Variants in BCL2L14 observed in about 807,000 individuals in gnomAD.
BCL2L14 encodes the protein apoptosis facilitator Bcl-2-like protein 14.
A neutral mutation model predicts 35.3 loss-of-function variants in BCL2L14; 27 were observed. The observed-to-expected ratio is 0.76, with a 90% CI of 0.56 to 1.05. BCL2L14 has a LOEUF of 1.05. Ranked by LOEUF, BCL2L14 falls within the 50% of genes least tolerant of loss-of-function variation. BCL2L14 has a pLI of 0.00. For synonymous variants in BCL2L14, 139 were observed against 145.9 expected, an observed-to-expected ratio of 0.95 and a Z score of 0.34; for missense variants, 377 against 382.6, an observed-to-expected ratio of 0.99 and a Z score of 0.12.
At chr12:12,097,495 G>C (rs1485040043) in intron 5 of BCL2L14, among the ~76,000 whole-genome samples, 2 of 152,226 alleles carry the variant, frequency 1.3e-5, no homozygotes, top group East Asian at 3.8e-4. Flanking sequence ...CAAATGTATA[G>C]ATACAGAAAG....
At chr12:12,068,704 G>C (rs534065716), upstream of BCL2L14, among the ~76,000 whole-genome samples, 1 of 151,960 alleles carries the variant, frequency 6.6e-6, no homozygotes, top group African/African-American at 2.4e-5. Flanking sequence ...CTATCACAGC[G>C]TGAATCCCAA....
intron 1 of BCL2L14, among the ~76,000 whole-genome samples, chr12:12,073,719 C>G (rs1305603754): frequency 6.6e-6 from 1 of 152,188 alleles, no homozygotes; most frequent in Non-Finnish European, 1.5e-5. Flanking sequence ...GGGCGCACAG[C>G]CTCCTACCCA....
At chr12:12,070,533 C>T (rs768010203), upstream of BCL2L14, among the ~76,000 whole-genome samples, 1 of 152,150 alleles carries the variant, frequency 6.6e-6, no homozygotes, top group Middle Eastern at 3.4e-3. Context: ...AAAAATTAGC[C>T]AGGCGTGCTG....
At chr12:12,051,227 T>G (rs1948353966) in intron 1 of BCL2L14, among the ~76,000 whole-genome samples, 1 of 152,154 alleles carries the variant, frequency 6.6e-6, no homozygotes, top group South Asian at 2.1e-4. Context: ...CAGACTAGAC[T>G]AGCAAGAGTC....
rs559494303 is a variant in BCL2L14 at position 12,057,290 on chromosome 12, T to C, written c.-272+5443T>C. On this transcript the variant is annotated intron_variant, in intron 2 of 3. Transcript: ENST00000461264. Reference sequence around the variant, plus strand: ...TATATGTTAACTTCTTTCTAAGGAGTTGTAAAATAGCATAATCAAAAGCAA... The same window carrying C: ...TATATGTTAACTTCTTTCTAAGGAGCTGTAAAATAGCATAATCAAAAGCAA... Among the ~76,000 whole-genome samples, 3 of 152,234 alleles carry C rather than the reference T, an allele frequency of 2.0e-5. No homozygotes were observed. The South Asian group carries it at 6.2e-4, about 32-fold the overall frequency.
chr12:12,063,533 C>G (rs1474245702), intron 2 of BCL2L14, among the ~76,000 whole-genome samples: 1 of 151,962 alleles, frequency 6.6e-6, no homozygotes, highest in African/African-American at 2.4e-5. Flanking sequence ...CTCTCCCACT[C>G]TAGGTTCCCA....
chr12:12,083,563 A>G (rs1163616279), intron 2 of BCL2L14, among the ~76,000 whole-genome samples: 1 of 152,210 alleles, frequency 6.6e-6, no homozygotes, highest in East Asian at 1.9e-4. Context: ...GGCTTAAATA[A>G]TATACAGGTT....
At chr12:12,093,516 G>T (rs1949242316) in intron 4 of BCL2L14, among the ~76,000 whole-genome samples, 1 of 151,994 alleles carries the variant, frequency 6.6e-6, no homozygotes, top group South Asian at 2.1e-4. Flanking sequence ...GCTGGGTACG[G>T]GCACAGTGGC....
chr12:12,098,122 T>C, intron 5 of BCL2L14, among the ~76,000 whole-genome samples: 1 of 152,030 alleles, frequency 6.6e-6, no homozygotes, highest in East Asian at 1.9e-4. Context: ...GTGAAGGACA[T>C]GTGGATTGGG....
chr12:12,066,864 C>T (rs1011635476), upstream of BCL2L14, among the ~76,000 whole-genome samples: 3 of 151,758 alleles, frequency 2.0e-5, no homozygotes, highest in Admixed American at 1.3e-4. Flanking sequence ...GCGCCCACCA[C>T]CATGTCTAGC....
At chr12:12,059,361 G>A (rs183163621) in intron 2 of BCL2L14, among the ~76,000 whole-genome samples, 9 of 151,524 alleles carry the variant, frequency 5.9e-5, no homozygotes, top group East Asian at 1.9e-4. Context: ...CGGCAAGTCC[G>A]GCTTTTCTGG....
intron 5 of BCL2L14, chr12:12,095,525 A>G: frequency 2.0e-6 from 2 of 985,370 alleles, no homozygotes; most frequent in Non-Finnish European, 2.4e-6. Flanking sequence ...CCTCATCCCC[A>G]GTTCCTCAGG....
At chr12:12,082,958 T>TTTTG (rs1159659097) in intron 2 of BCL2L14, among the ~76,000 whole-genome samples, 11 of 152,094 alleles carry the variant, frequency 7.2e-5, no homozygotes, top group Non-Finnish European at 8.8e-5. Flanking sequence ...CTGGGTTCTT[T>TTTTG]TTTGTTTGTT....
At chr12:12,057,191 T>C (rs1214509535) in intron 2 of BCL2L14, among the ~76,000 whole-genome samples, 2 of 152,156 alleles carry the variant, frequency 1.3e-5, no homozygotes, top group Admixed American at 6.5e-5. Flanking sequence ...TACAGGACAA[T>C]AAACAAAGGC....
At chr12:12,062,818 A>T (rs1306922187) in intron 2 of BCL2L14, among the ~76,000 whole-genome samples, 1 of 152,182 alleles carries the variant, frequency 6.6e-6, no homozygotes, top group Non-Finnish European at 1.5e-5. Context: ...CAAATCAGCC[A>T]AGCAGTTTTT....
chr12:12,082,673 GTGTTAA>G (rs890599825), intron 2 of BCL2L14, among the ~76,000 whole-genome samples: 11 of 152,176 alleles, frequency 7.2e-5, no homozygotes, highest in Non-Finnish European at 1.6e-4. Flanking sequence ...CTTAGGTGAT[GTGTTAA>G]TGTGCTGAAT....
rs71435889 is a variant in BCL2L14, at chr12:12,096,433, G to GAAAAA, written c.945+1514_945+1518dup. Among the ~76,000 whole-genome samples the GAAAAA allele has an allele frequency of 6.7e-3, 680 of 101,966 alleles. 8 individuals carry two copies. Among genetic ancestry groups the GAAAAA allele is most frequent in the African/African-American group, 0.023 (635 of 27,268 alleles). 66.9% of individuals were successfully genotyped at this position (101,966 alleles called of 152,430 possible). A position where few individuals can be genotyped will look rare whatever the true frequency, so the allele number is the denominator to read the frequency against. On this transcript the variant is annotated intron_variant, in intron 5 of 5. Coordinates refer to ENST00000308721, the MANE Select transcript of BCL2L14 (RefSeq NM_138723.2). Reference sequence around the variant, plus strand: ...CCAAGAACACCACCACCAAGAATGTGAAAAAAAAAAAAAAACAACCCACAG... The same window carrying GAAAAA: ...CCAAGAACACCACCACCAAGAATGTGAAAAAAAAAAAAAAAAAAAACAACCCACAG...
chr12:12,080,305 G>A (rs540189261), intron 2 of BCL2L14, among the ~76,000 whole-genome samples: 1 of 151,466 alleles, frequency 6.6e-6, no homozygotes, highest in East Asian at 2.0e-4. Context: ...CAAATTCCTA[G>A]TCCTCTGTAC....
chr12:12,067,822 C>T (rs1948611528), upstream of BCL2L14, among the ~76,000 whole-genome samples: 2 of 152,220 alleles, frequency 1.3e-5, no homozygotes, highest in African/African-American at 4.8e-5. Context: ...CCCTGGCCAA[C>T]TTGTTAGGCG....
Sources: gnomAD v4.1 joint callset for allele counts (sites outside exome capture counted in the v4.1 genomes callset) on GRCh38, gnomAD v4.1.1 for gene constraint, MANE v1.5 for transcripts, NCBI Gene and HGNC (gene_info 2026-07-23, HGNC 2026-07-21) for gene names.